The following NBEA variants were observed in gnomAD, a reference collection of about 807,000 sequenced individuals.
NBEA encodes the protein lysosomal-trafficking regulator 2.
In NBEA, 44 loss-of-function variants were observed where a neutral mutation model predicts 343.4. The observed-to-expected ratio is 0.13, with a 90% CI of 0.10 to 0.16. The LOEUF (loss-of-function observed/expected upper bound fraction) is 0.16, where lower values mean the gene tolerates loss of function less well. NBEA is among the 10% of genes least tolerant of loss of function. The probability of loss-of-function intolerance (pLI) is 1.00; values close to 1 mark genes in which losing one functional copy is unlikely to be tolerated. For missense variants in NBEA, 2,555 were observed against 3,631.3 expected (o/e 0.70, Z 7.62); for synonymous variants, 1,175 against 1,238.7 (o/e 0.95, Z 1.08).
At chr13:35,424,467 G>A (rs1373557946) in intron 38 of NBEA, among the ~76,000 whole-genome samples, 3 of 152,298 alleles carry the variant, frequency 2.0e-5, no homozygotes, top group Middle Eastern at 3.4e-3. Flanking sequence ...ATTTGCGTAT[G>A]TTGAACCAGC....
chr13:35,358,274 T>C (rs910644771), intron 38 of NBEA, among the ~76,000 whole-genome samples: 1 of 149,860 alleles, frequency 6.7e-6, no homozygotes, highest in African/African-American at 2.5e-5. Flanking sequence ...TCTGCCCGCC[T>C]CAACCTCCCA....
chr13:35,609,486 G>C (rs2082411637), intron 48 of NBEA, among the ~76,000 whole-genome samples: 1 of 152,128 alleles, frequency 6.6e-6, no homozygotes, highest in Non-Finnish European at 1.5e-5. Context: ...TTAAAAATTG[G>C]GGAAGTGGGC....
chr13:34,965,234 A>G (rs2059783165), intron 1 of NBEA, among the ~76,000 whole-genome samples: 1 of 152,002 alleles, frequency 6.6e-6, no homozygotes, highest in Non-Finnish European at 1.5e-5. Context: ...GATGATTCTT[A>G]TCTTTAAGGA....
chr13:35,417,378 T>C (rs1414649788), intron 38 of NBEA, among the ~76,000 whole-genome samples: 2 of 152,178 alleles, frequency 1.3e-5, no homozygotes, highest in African/African-American at 4.8e-5. Context: ...CATTTGGTGC[T>C]ATAAATTTCC....
At chr13:34,960,188 G>A (rs2059617304) in intron 1 of NBEA, among the ~76,000 whole-genome samples, 1 of 152,006 alleles carries the variant, frequency 6.6e-6, no homozygotes, top group African/African-American at 2.4e-5. Flanking sequence ...AGGCTAATGT[G>A]TGTGTTTGTG....
chr13:35,207,161 T>A (rs185363527), intron 31 of NBEA, among the ~76,000 whole-genome samples: 5 of 151,932 alleles, frequency 3.3e-5, no homozygotes, highest in Admixed American at 1.3e-4. Context: ...AGAATAATAA[T>A]TATTACAAAT....
At chr13:35,530,930 T>A (rs2078232958) in intron 41 of NBEA, among the ~76,000 whole-genome samples, 1 of 152,240 alleles carries the variant, frequency 6.6e-6, no homozygotes, top group East Asian at 1.9e-4. Context: ...TTTGAGCTTT[T>A]AGGAAGCTGA....
chr13:35,371,040 A>G (rs545827140), intron 38 of NBEA, among the ~76,000 whole-genome samples: 4 of 151,928 alleles, frequency 2.6e-5, no homozygotes, highest in African/African-American at 9.6e-5. Flanking sequence ...TGTTTTTTGA[A>G]TTCTTTCTTT....
chr13:35,079,775 A>G (rs540322034), intron 10 of NBEA, among the ~76,000 whole-genome samples: 2 of 152,306 alleles, frequency 1.3e-5, no homozygotes, highest in African/African-American at 4.8e-5. Flanking sequence ...GTTACATTTT[A>G]TCTAGAAAGT....
chr13:35,048,737 T>C, intron 5 of NBEA, 53 bp downstream of exon 5: 1 of 1,028,902 alleles, frequency 9.7e-7, no homozygotes, highest in Non-Finnish European at 1.4e-6. Context: ...TTGAATTCTA[T>C]AAATGTATAG....
At chr13:35,586,594 C>A (rs933958055) in intron 46 of NBEA, among the ~76,000 whole-genome samples, 14 of 152,122 alleles carry the variant, frequency 9.2e-5, no homozygotes, top group Non-Finnish European at 5.9e-5. Context: ...AACTTGGATT[C>A]TTTTATAAAA....
At chr13:35,004,873 A>G (rs1274424595) in intron 1 of NBEA, among the ~76,000 whole-genome samples, 2 of 152,234 alleles carry the variant, frequency 1.3e-5, no homozygotes, top group Non-Finnish European at 2.9e-5. Context: ...CAAAGTAGAC[A>G]TAATGCAGCT....
intron 48 of NBEA, among the ~76,000 whole-genome samples, chr13:35,618,590 T>G (rs926285918): frequency 6.6e-6 from 1 of 152,182 alleles, no homozygotes. Flanking sequence ...ACAGACACAT[T>G]TAGTAGACAT....
intron 10 of NBEA, among the ~76,000 whole-genome samples, chr13:35,097,467 T>G (rs2065396185): frequency 6.6e-6 from 1 of 152,042 alleles, no homozygotes; most frequent in Admixed American, 6.6e-5. Flanking sequence ...TGAGCTACAT[T>G]AAGCATATAC....
At chr13:35,560,179 A>T (rs1446717300) in intron 44 of NBEA, among the ~76,000 whole-genome samples, 1 of 151,344 alleles carries the variant, frequency 6.6e-6, no homozygotes, top group East Asian at 1.9e-4. Flanking sequence ...CTAATAAGTG[A>T]CACAGTCGGG....
chr13:35,428,073 T>C (rs2044826574), intron 38 of NBEA, among the ~76,000 whole-genome samples: 1 of 152,174 alleles, frequency 6.6e-6, no homozygotes, highest in South Asian at 2.1e-4. Context: ...CCTGACCCCT[T>C]GCACTTCCCA....
At chr13:35,473,439 T>C (rs372363123) in intron 41 of NBEA, among the ~76,000 whole-genome samples, 45 of 152,302 alleles carry the variant, frequency 3.0e-4, no homozygotes, top group African/African-American at 1.0e-3. Flanking sequence ...TTAATTTAGA[T>C]ATTGAAATAA....
In NBEA at chr13:35,530,439, A is replaced by AAAATAAAT. The variant is rs56063794; in HGVS notation, c.6586-20026_6586-20019dup. On this transcript the variant is annotated intron_variant, in intron 41 of 58. Transcript: ENST00000379939. The stretch of plus-strand genomic sequence containing the variant: ...GATGGTGTTTTCTACAGCTGGGCTA[A>AAAATAAAT]AAATAAATAAATAAATAAAAAGTCT... Among the ~76,000 whole-genome samples the AAAATAAAT allele has an allele frequency of 1.2e-3, 175 of 151,850 alleles. 1 individual carries two copies. Among genetic ancestry groups the AAAATAAAT allele is most frequent in the African/African-American group, 3.9e-3 (161 of 41,288 alleles).
At chr13:35,150,730 C>T (rs192433632) in intron 18 of NBEA, among the ~76,000 whole-genome samples, 1 of 151,642 alleles carries the variant, frequency 6.6e-6, no homozygotes, top group East Asian at 1.9e-4. Context: ...TACAACTCTA[C>T]GAATGTGTAA....
Sources: allele counts gnomAD v4.1 joint callset (sites outside exome capture counted in the v4.1 genomes callset), GRCh38; gene constraint gnomAD v4.1.1; transcripts MANE v1.5; gene names NCBI Gene and HGNC (gene_info 2026-07-23, HGNC 2026-07-21).